The following ADAMTS5 variants were observed in gnomAD, a reference collection of about 807,000 sequenced individuals.
The protein encoded by ADAMTS5 is ADAM metallopeptidase with thrombospondin type 1 motif 5.
ADAMTS5 carries 54 observed loss-of-function variants against 81.4 expected under a neutral mutation model. The observed-to-expected ratio is 0.66, with a 90% CI of 0.53 to 0.83. The LOEUF (loss-of-function observed/expected upper bound fraction) is 0.83. Among genes scored for constraint, ADAMTS5 ranks in the 40% least tolerant of loss-of-function variants. The pLI, the probability that ADAMTS5 is intolerant of heterozygous loss-of-function variation, is 0.00. For missense variants in ADAMTS5, 1,194 were observed against 1,229.9 expected (o/e 0.97, Z 0.44); for synonymous variants, 532 against 508.8 (o/e 1.05, Z -0.61).
chr21:26,954,623 C>T, intron 2 of ADAMTS5, 116 bp downstream of exon 2: 2 of 1,456,522 alleles, frequency 1.4e-6, no homozygotes. Flanking sequence ...AAATTTAATT[C>T]CCAGTGGTAC....
At chr21:26,941,434 G>C (rs1362380365) in intron 3 of ADAMTS5, among the ~76,000 whole-genome samples, 1 of 151,944 alleles carries the variant, frequency 6.6e-6, no homozygotes, top group African/African-American at 2.4e-5. Flanking sequence ...TCAGAGCATA[G>C]ACTCTTTTAA....
intron 1 of ADAMTS5, among the ~76,000 whole-genome samples, chr21:26,956,639 T>C (rs552497577): frequency 7.2e-5 from 11 of 152,222 alleles, no homozygotes; most frequent in African/African-American, 2.6e-4. Flanking sequence ...TGCTAGACAC[T>C]CTAGGTTATA....
At position 26,966,113 on chromosome 21, in the gene ADAMTS5, C is replaced by G. The variant is rs1455135685; in HGVS notation, c.279G>C (p.Ala93=). 22 of 1,612,606 alleles carry G rather than the reference C, an allele frequency of 1.4e-5. No homozygotes were observed. Among genetic ancestry groups the G allele is most frequent in the Non-Finnish European group, 1.9e-5 (22 of 1,179,754 alleles). The stretch of plus-strand genomic sequence containing the variant: ...GGTCCAAGAGGAACCTCCGGCCGCC[C>G]GCGTAGACGAGGTAGCCCACCTTGC... ...GGGKVGYLVY[A]GGRRFLLDLE... Residue 93 remains alanine, a synonymous_variant, in exon 1 of 8, where the codon GCG becomes GCC. Transcript: ENST00000284987.
In ADAMTS5 at chr21:26,965,450, G is replaced by A. The variant is rs189265950; in HGVS notation, c.942C>T (p.Ala314=). Residue 314 remains alanine (A), a synonymous_variant, in exon 1 of 8, where the codon GCC becomes GCT. Coordinates refer to ENST00000284987, the MANE Select transcript of ADAMTS5 (RefSeq NM_007038.5). ...HASIENHIRL[A]VVKVVVLGDK... ...CGCCTAGCACCACCACCTTCACCAC[G>A]GCCAGGCGGATGTGGTTCTCGATGC... 1.2e-6 allele frequency: 2 copies of A among 1,614,164 alleles called. No homozygotes were observed. Among genetic ancestry groups the A allele is most frequent in the Non-Finnish European group, 1.7e-6 (2 of 1,180,036 alleles).
intron 1 of ADAMTS5, 31 bp from the exon 2 acceptor site, chr21:26,954,902 A>G: frequency 2.5e-6 from 4 of 1,611,154 alleles, no homozygotes; most frequent in Non-Finnish European, 3.4e-6. Context: ...AATCATTAAA[A>G]TCAATTTACA....
At chr21:26,939,673 G>T (rs1312856885) in intron 3 of ADAMTS5, 1 of 152,208 alleles carries the variant, frequency 6.6e-6, no homozygotes, top group East Asian at 1.9e-4. Context: ...ATAAGTCATG[G>T]CCTTTCTCAT....
chr21:26,929,757 G>T, intron 7 of ADAMTS5, 129 bp downstream of exon 7: 1 of 791,116 alleles, frequency 1.3e-6, no homozygotes, highest in Non-Finnish European at 1.8e-6. Flanking sequence ...TTTAAAATGT[G>T]TTTCTAGAGC....
chr21:26,919,418 G>A lies in ADAMTS5; in HGVS notation c.*4635C>T, dbSNP rs374921915. 9.9e-5 allele frequency: 15 copies of A among 151,762 alleles called. No homozygotes were observed. Among genetic ancestry groups the A allele is most frequent in the African/African-American group, 3.6e-4 (15 of 41,452 alleles). 9.4% of individuals were successfully genotyped at this position (151,762 alleles called of 1,614,324 possible). On this transcript the variant is annotated 3_prime_UTR_variant, in exon 8 of 8. Coordinates refer to ENST00000284987, the MANE Select transcript of ADAMTS5 (RefSeq NM_007038.5). ...GAGACAGCAAAATTATTGCTAATGT[G>A]CAACTATATTAGTAGAATGCAATTA...
At chr21:26,962,643 A>G (rs1601021888) in intron 1 of ADAMTS5, among the ~76,000 whole-genome samples, 2 of 152,356 alleles carry the variant, frequency 1.3e-5, no homozygotes, top group South Asian at 2.1e-4. Context: ...AAATTTGAGC[A>G]GGACTCAGAG....
intron 7 of ADAMTS5, among the ~76,000 whole-genome samples, chr21:26,925,750 A>G (rs180858309): frequency 5.9e-5 from 9 of 152,212 alleles, no homozygotes; most frequent in Non-Finnish European, 8.8e-5. Flanking sequence ...TGTTTCCCTT[A>G]CTCCAGAGTT....
chr21:26,954,961 C>G, intron 1 of ADAMTS5, 90 bp from the exon 2 acceptor site: 1 of 1,479,464 alleles, frequency 6.8e-7, no homozygotes, highest in Non-Finnish European at 9.2e-7. Flanking sequence ...CAAATGGCAA[C>G]AGGGATATGT....
intron 6 of ADAMTS5, among the ~76,000 whole-genome samples, chr21:26,931,488 A>G (rs1447638811): frequency 1.3e-5 from 2 of 152,244 alleles, no homozygotes; most frequent in Non-Finnish European, 2.9e-5. Context: ...TATTATACAC[A>G]TACACAAGGA....
In ADAMTS5 at chr21:26,965,408, C is replaced by T. The variant is rs760808495; in HGVS notation, c.984G>A (p.Leu328=). The stretch of plus-strand genomic sequence containing the variant: ...TGGTGGCAGCGTTCTTGCTCACTTC[C>T]AGGCTCTTGTCCTTGTCGCCTAGCA... ...VVVLGDKDKS[L]EVSKNAATTL... Residue 328 remains leucine, a synonymous_variant, in exon 1 of 8, where the codon CTG becomes CTA. Coordinates refer to ENST00000284987, the MANE Select transcript of ADAMTS5 (RefSeq NM_007038.5). The T allele has an allele frequency of 1.2e-6, 2 of 1,614,266 alleles. No individual in the cohort carries two copies. Among genetic ancestry groups the T allele is most frequent in the South Asian group, 2.2e-5 (2 of 91,086 alleles).
intron 1 of ADAMTS5, among the ~76,000 whole-genome samples, chr21:26,962,365 A>C (rs927605149): frequency 6.6e-6 from 1 of 152,226 alleles, no homozygotes; most frequent in Admixed American, 6.5e-5. Flanking sequence ...GAATTCCAGC[A>C]TTAGTGCCAT....
chr21:26,967,080 G>A lies in ADAMTS5; in HGVS notation c.-689C>T, dbSNP rs917060477. ...CAGCTGCGAGCGCCGAGAGCAGCGC[G>A]AGCGCTGTGAAGATGCGAGGAGGTG... On this transcript the variant is annotated 5_prime_UTR_variant, in exon 1 of 8. Coordinates refer to ENST00000284987, the MANE Select transcript of ADAMTS5 (RefSeq NM_007038.5). Among the ~76,000 whole-genome samples, 2 of 152,254 alleles carry A rather than the reference G, an allele frequency of 1.3e-5. No individual in the cohort carries two copies. The highest frequency in any genetic ancestry group is 2.9e-5 in the Non-Finnish European group (2 of 68,048).
At position 26,966,122 on chromosome 21, in the gene ADAMTS5, G is replaced by T. The variant is rs753611853; in HGVS notation, c.270C>A (p.Leu90=). ...LYSGGGKVGY[L]VYAGGRRFLL... is the part of the protein sequence containing the mutation. ...GGAACCTCCGGCCGCCCGCGTAGACGAGGTAGCCCACCTTGCCGCCGCCGG... is the reference window on the plus strand; with the variant it reads ...GGAACCTCCGGCCGCCCGCGTAGACTAGGTAGCCCACCTTGCCGCCGCCGG... The change falls in exon 1 of 8, where the codon CTC becomes CTA. Residue 90 remains leucine (L), a synonymous_variant. Transcript: ENST00000284987. 3 of 1,612,678 alleles carry T rather than the reference G, an allele frequency of 1.9e-6. No homozygotes were observed. Among genetic ancestry groups the T allele is most frequent in the Non-Finnish European group, 2.5e-6 (3 of 1,179,746 alleles).
chr21:26,932,044 CTG>C lies in ADAMTS5; in HGVS notation c.2007_2008del (p.Cys669TrpfsTer20). The C allele has an allele frequency of 6.2e-7, 1 of 1,614,124 alleles. No individual in the cohort carries two copies. Among genetic ancestry groups the C allele is most frequent in the East Asian group, 2.2e-5 (1 of 44,880 alleles). On this transcript the variant is annotated frameshift_variant, in exon 6 of 8. Transcript: ENST00000284987. LOFTEE classifies it high-confidence loss of function. The stretch of plus-strand genomic sequence containing the variant: ...CACATAGTAGCCAGTGCCCTTGGCT[CTG>C]CAGGTCAGCTTGCACACATCCGCTG...
intron 2 of ADAMTS5, among the ~76,000 whole-genome samples, chr21:26,943,852 C>A (rs183116303): frequency 6.6e-5 from 10 of 152,080 alleles, no homozygotes; most frequent in African/African-American, 2.4e-4. Context: ...CTAGAGTTTG[C>A]GAGACAATTG....
At chr21:26,928,032 T>G (rs1459720399) in intron 7 of ADAMTS5, among the ~76,000 whole-genome samples, 1 of 152,080 alleles carries the variant, frequency 6.6e-6, no homozygotes, top group Admixed American at 6.5e-5. Flanking sequence ...CGAGTTAAGA[T>G]TAGGGTCATA....
Sources: allele counts gnomAD v4.1 joint callset (sites outside exome capture counted in the v4.1 genomes callset), GRCh38; gene constraint gnomAD v4.1.1; transcripts MANE v1.5; gene names NCBI Gene and HGNC (gene_info 2026-07-23, HGNC 2026-07-21).